The following PRKACB variants were observed in gnomAD, a reference collection of about 807,000 sequenced individuals.
The protein encoded by PRKACB is cAMP-dependent protein kinase catalytic subunit beta.
In PRKACB, 16 loss-of-function variants were observed where a neutral mutation model predicts 51.4. The observed-to-expected ratio is 0.31, with a 90% CI of 0.21 to 0.47. The LOEUF is 0.47. Among genes scored for constraint, PRKACB ranks in the 20% least tolerant of loss-of-function variants. The pLI, the probability that PRKACB is intolerant of heterozygous loss-of-function variation, is 1.00. For missense variants in PRKACB, 309 were observed against 464.5 expected (o/e 0.67, Z 3.08); for synonymous variants, 147 against 154.4 (o/e 0.95, Z 0.35).
At chr1:84,203,604 G>A (rs1670756152) in intron 8 of PRKACB, among the ~76,000 whole-genome samples, 1 of 151,852 alleles carries the variant, frequency 6.6e-6, no homozygotes, top group African/African-American at 2.4e-5. Context: ...ATTCCCAGAA[G>A]GAGACCTTCT....
intron 1 of PRKACB, among the ~76,000 whole-genome samples, chr1:84,145,717 A>G (rs1328220749): frequency 6.6e-6 from 1 of 152,070 alleles, no homozygotes; most frequent in East Asian, 1.9e-4. Context: ...ATATGAATAT[A>G]TATCTTCAAG....
chr1:84,087,197 C>T lies in PRKACB; in HGVS notation c.46+8826C>T, dbSNP rs539929852. Among the ~76,000 whole-genome samples, 3 of 152,318 alleles carry T rather than the reference C, an allele frequency of 2.0e-5. No individual in the cohort carries two copies. The East Asian group carries it at 5.8e-4, about 29-fold the overall frequency. ...TCAGGGCAGCTAACAGGAGTAAGAG[C>T]ATGGGAAGTCTATTCTGTGTGAATA... On this transcript the variant is annotated intron_variant, in intron 1 of 8. Coordinates refer to the PRKACB transcript ENST00000370688.
At chr1:84,089,444 G>A (rs1571533942) in intron 1 of PRKACB, among the ~76,000 whole-genome samples, 1 of 152,210 alleles carries the variant, frequency 6.6e-6, no homozygotes, top group East Asian at 1.9e-4. Context: ...AAAAACTAGA[G>A]TATTATGCTC....
At chr1:84,223,368 T>C (rs1674041804) in intron 9 of PRKACB, among the ~76,000 whole-genome samples, 1 of 52,448 alleles carries the variant, frequency 1.9e-5, no homozygotes, top group African/African-American at 6.7e-5. Flanking sequence ...TTGTTTTTTT[T>C]TGTTTTTTTG....
chr1:84,134,709 T>TA (rs1267988323), intron 1 of PRKACB, among the ~76,000 whole-genome samples: 1 of 152,186 alleles, frequency 6.6e-6, no homozygotes, highest in African/African-American at 2.4e-5. Context: ...TAGAAACAGT[T>TA]ACAAACAAGG....
Position 84,218,926 on chromosome 1 carries a change from A to G in PRKACB, c.1071+4609A>G, listed in dbSNP as rs567180931. ...GCATTTTTTCATGTACCTGTTGGCC[A>G]TTGTAAATCTGGTTTTGAGAAATGT... On this transcript the variant is annotated intron_variant, in intron 9 of 9. Coordinates refer to ENST00000370685, the MANE Select transcript of PRKACB (RefSeq NM_182948.4). 2.6e-5 allele frequency among the ~76,000 whole-genome samples: 4 copies of G among 152,248 alleles called. No homozygotes were observed. The South Asian group carries it at 8.3e-4, about 32-fold the overall frequency.
At chr1:84,145,373 C>T (rs1653917680) in intron 1 of PRKACB, among the ~76,000 whole-genome samples, 1 of 152,000 alleles carries the variant, frequency 6.6e-6, no homozygotes, top group South Asian at 2.1e-4. Flanking sequence ...AAACTTTTGC[C>T]CTCTTTGGTG....
At chr1:84,218,627 G>A (rs544454255) in intron 9 of PRKACB, among the ~76,000 whole-genome samples, 3 of 152,250 alleles carry the variant, frequency 2.0e-5, no homozygotes, top group African/African-American at 7.2e-5. Context: ...GAGGATTCAG[G>A]TATTGCATTG....
chr1:84,209,335 G>A (rs1214036680), intron 8 of PRKACB, among the ~76,000 whole-genome samples: 3 of 151,828 alleles, frequency 2.0e-5, no homozygotes, highest in Non-Finnish European at 4.4e-5. Context: ...AATTCAACCT[G>A]TCTAAAACTG....
At chr1:84,198,843 A>G (rs1011605233) in intron 7 of PRKACB, among the ~76,000 whole-genome samples, 1 of 149,294 alleles carries the variant, frequency 6.7e-6, no homozygotes, top group African/African-American at 2.5e-5. Flanking sequence ...ATATATGTAT[A>G]TATGTGTATA....
chr1:84,189,555 G>A (rs12748859), intron 5 of PRKACB, among the ~76,000 whole-genome samples: 65,549 of 151,538 alleles, frequency 0.43, 15,840 homozygotes, highest in Non-Finnish European at 0.56. Flanking sequence ...GAAAGAGAAG[G>A]GGATGTATGA....
chr1:84,197,817 T>C lies in PRKACB; in HGVS notation c.776T>C (p.Leu259Pro). ...GAGTATTTGGCTCCAGAAATAATTC[T>C]CAGCAAGGTATATTCATAATATCAA... Reference protein sequence around the residue: ...TPEYLAPEIILSKGYNKAVDW... With the variant: ...TPEYLAPEIIPSKGYNKAVDW... Residue 259 changes from leucine (L) to proline (P), a missense_variant, in exon 7 of 10, where the codon CTC becomes CCC. Physicochemically the swap from Leu to Pro is moderately conservative, Grantham distance 98. Transcript: ENST00000370685. 1 of 1,598,616 alleles carries C rather than the reference T, an allele frequency of 6.3e-7. No individual in the cohort carries two copies. Among genetic ancestry groups the C allele is most frequent in the Non-Finnish European group, 8.6e-7 (1 of 1,166,768 alleles).
At chr1:84,102,370 G>A (rs1649417016) in intron 1 of PRKACB, among the ~76,000 whole-genome samples, 1 of 152,066 alleles carries the variant, frequency 6.6e-6, no homozygotes, top group Non-Finnish European at 1.5e-5. Flanking sequence ...CTAGGCGACA[G>A]AGCGAGACTC....
chr1:84,119,412 C>T (rs1249561644), intron 1 of PRKACB, among the ~76,000 whole-genome samples: 2 of 152,098 alleles, frequency 1.3e-5, no homozygotes, highest in African/African-American at 4.8e-5. Flanking sequence ...CAATATCCAG[C>T]ATGGTCCACT....
At chr1:84,189,535 T>A (rs944616108) in intron 5 of PRKACB, among the ~76,000 whole-genome samples, 4 of 150,704 alleles carry the variant, frequency 2.7e-5, no homozygotes, top group Non-Finnish European at 3.0e-5. Flanking sequence ...CAAAAAGATA[T>A]ACCTTTCAAG....
intron 1 of PRKACB, among the ~76,000 whole-genome samples, chr1:84,177,317 C>T (rs1186589909): frequency 6.6e-6 from 1 of 152,044 alleles, no homozygotes; most frequent in East Asian, 1.9e-4. Flanking sequence ...CAAGTGAATG[C>T]CATGTGCAGA....
intron 1 of PRKACB, among the ~76,000 whole-genome samples, chr1:84,078,540 C>A (rs190952328): frequency 1.3e-5 from 2 of 152,184 alleles, no homozygotes; most frequent in Non-Finnish European, 2.9e-5. Context: ...TCCATTCCGA[C>A]CCCCCAGCTC....
intron 1 of PRKACB, among the ~76,000 whole-genome samples, chr1:84,101,196 C>A (rs1210472659): frequency 6.6e-6 from 1 of 152,160 alleles, no homozygotes; most frequent in Non-Finnish European, 1.5e-5. Flanking sequence ...GAAGGGCAAG[C>A]TGGACCTCTC....
At chr1:84,228,713 G>A (rs1362627382) in intron 9 of PRKACB, among the ~76,000 whole-genome samples, 1 of 151,996 alleles carries the variant, frequency 6.6e-6, no homozygotes, top group Non-Finnish European at 1.5e-5. Context: ...AGTTTTGATG[G>A]CCAGATATTT....
Sources: gnomAD v4.1 joint callset for allele counts (sites outside exome capture counted in the v4.1 genomes callset) on GRCh38, gnomAD v4.1.1 for gene constraint, MANE v1.5 for transcripts, NCBI Gene and HGNC (gene_info 2026-07-23, HGNC 2026-07-21) for gene names.